The following PCDHA7 variants were observed in gnomAD, a reference collection of about 807,000 sequenced individuals.
PCDHA7 encodes the protein protocadherin alpha 7.
PCDHA7 carries 37 observed loss-of-function variants against 57.2 expected under a neutral mutation model. The observed-to-expected ratio is 0.65, with a 90% CI of 0.50 to 0.85. PCDHA7 has a LOEUF of 0.85. Ranked by LOEUF, PCDHA7 falls within the 40% of genes least tolerant of loss-of-function variation. PCDHA7 has a pLI of 0.00. For missense variants in PCDHA7, 1,188 were observed against 1,241.8 expected (o/e 0.96, Z 0.65); for synonymous variants, 553 against 558.8 (o/e 0.99, Z 0.15).
chr5:140,870,510 A>T, intron 1 of PCDHA7: 1 of 1,614,220 alleles, frequency 6.2e-7, no homozygotes, highest in Non-Finnish European at 8.5e-7. Context: ...ACAACCCACC[A>T]GGCTGCCACA....
In PCDHA7 at chr5:141,010,220, C is replaced by T. The variant is rs114341618; in HGVS notation, c.*283C>T. ...CTCCTCCGCCGCAAAGGAGAGGCTT[C>T]CCAGCCCCGCCAGTGAGAGGTTGGA... On this transcript the variant is annotated 3_prime_UTR_variant, in exon 4 of 4. Coordinates refer to ENST00000525929, the MANE Select transcript of PCDHA7 (RefSeq NM_018910.3). 2,711 of 1,551,728 alleles carry T rather than the reference C, an allele frequency of 1.7e-3. 46 individuals are homozygous for T. The African/African-American group carries it at 0.034, about 19-fold the overall frequency.
chr5:141,000,359 CTG>C (rs1554257257), intron 3 of PCDHA7, among the ~76,000 whole-genome samples: 2 of 78,146 alleles, frequency 2.6e-5, no homozygotes, highest in South Asian at 4.6e-4. Context: ...CTGTCTCTCT[CTG>C]TCTCTCTCTC....
chr5:140,982,623 C>T, intron 3 of PCDHA7, 60 bp downstream of exon 3: 1 of 1,583,652 alleles, frequency 6.3e-7, no homozygotes, highest in South Asian at 1.2e-5. Context: ...AGATGACCTA[C>T]TTTTGTAAGA....
At chr5:140,875,543 G>A in intron 1 of PCDHA7, 1 of 1,614,164 alleles carries the variant, frequency 6.2e-7, no homozygotes, top group Non-Finnish European at 8.5e-7. Flanking sequence ...CTTGCAGCCT[G>A]GGAGGTGGGG....
intron 1 of PCDHA7, chr5:140,969,131 A>G: frequency 6.2e-7 from 1 of 1,614,138 alleles, no homozygotes; most frequent in South Asian, 1.1e-5. Flanking sequence ...CTCCCTCACC[A>G]AGACCTACTG....
chr5:140,863,266 G>T, intron 1 of PCDHA7: 2 of 1,458,576 alleles, frequency 1.4e-6, no homozygotes, highest in Non-Finnish European at 1.9e-6. Context: ...CCGGGAGGCA[G>T]CGCTGGTGGA....
At chr5:140,983,642 G>A (rs954814692) in intron 3 of PCDHA7, among the ~76,000 whole-genome samples, 3 of 152,174 alleles carry the variant, frequency 2.0e-5, no homozygotes, top group African/African-American at 7.2e-5. Flanking sequence ...CCAAGTTCAC[G>A]TAGCTTGTAA....
intron 1 of PCDHA7, chr5:140,861,363 G>A: frequency 2.8e-6 from 1 of 354,256 alleles, no homozygotes; most frequent in Non-Finnish European, 5.8e-6. Flanking sequence ...TAGCGTCTTC[G>A]CGGTCCCTAT....
rs2040583064 is a variant in PCDHA7, at chr5:140,848,750, T to A, written c.2355+12012T>A. ...TAAATCTGCAGAATGGCATTTTGTT[T>A]GTGAATTCTCGGATCGACCGCGAGG... is the stretch of plus-strand genomic sequence containing the variant. On this transcript the variant is annotated intron_variant, in intron 1 of 3. Coordinates refer to ENST00000525929, the MANE Select transcript of PCDHA7 (RefSeq NM_018910.3). 5 of 1,593,288 alleles carry A rather than the reference T, an allele frequency of 3.1e-6. 1 individual carries two copies. The highest frequency in any genetic ancestry group is 4.3e-6 in the Non-Finnish European group (5 of 1,163,954).
chr5:140,903,857 T>C (rs2070669832), intron 1 of PCDHA7, among the ~76,000 whole-genome samples: 1 of 152,172 alleles, frequency 6.6e-6, no homozygotes, highest in South Asian at 2.1e-4. Context: ...TAACAAATAA[T>C]ATAGAGTAAA....
At chr5:140,884,230 CG>C in intron 1 of PCDHA7, 2 of 1,613,384 alleles carry the variant, frequency 1.2e-6, no homozygotes, top group Non-Finnish European at 1.7e-6. Flanking sequence ...TGAAGGACCA[CG>C]GTGAGCCCGC....
chr5:140,879,010 G>T (rs2057809352), intron 1 of PCDHA7, among the ~76,000 whole-genome samples: 1 of 152,200 alleles, frequency 6.6e-6, no homozygotes, highest in African/African-American at 2.4e-5. Context: ...CTAGAAATCA[G>T]ATAATGTTTT....
intron 1 of PCDHA7, among the ~76,000 whole-genome samples, chr5:140,972,633 T>G (rs1230723429): frequency 6.6e-6 from 1 of 151,644 alleles, no homozygotes; most frequent in Non-Finnish European, 1.5e-5. Context: ...TGGCACTCCC[T>G]TCAGAGTCTC....
intron 1 of PCDHA7, chr5:140,858,649 AT>A: frequency 1.2e-6 from 1 of 824,582 alleles, no homozygotes; most frequent in East Asian, 2.7e-5. Flanking sequence ...TGGTACTTAA[AT>A]TTTTTTAAAT....
intron 1 of PCDHA7, among the ~76,000 whole-genome samples, chr5:140,898,648 G>A (rs1436511217): frequency 6.6e-6 from 1 of 152,136 alleles, no homozygotes; most frequent in Non-Finnish European, 1.5e-5. Flanking sequence ...TGTTCTTTTG[G>A]CTTAGGATTG....
chr5:140,952,121 C>A (rs993598007), intron 1 of PCDHA7, among the ~76,000 whole-genome samples: 1 of 152,102 alleles, frequency 6.6e-6, no homozygotes, highest in Non-Finnish European at 1.5e-5. Context: ...GGGATGGGCT[C>A]CCAAGGCCTT....
chr5:141,005,664 T>G (rs1554260244), intron 3 of PCDHA7, among the ~76,000 whole-genome samples: 1 of 122,102 alleles, frequency 8.2e-6, no homozygotes. Flanking sequence ...ATCGCGCCAC[T>G]GCACTCCAGC....
chr5:140,843,487 G>A (rs2150361131), intron 1 of PCDHA7: 2 of 1,596,050 alleles, frequency 1.3e-6, no homozygotes, highest in Admixed American at 1.7e-5. Context: ...CTGCGCTGCG[G>A]TGCTCAGCAC....
intron 1 of PCDHA7, among the ~76,000 whole-genome samples, chr5:140,924,446 G>A (rs1554201951): frequency 6.6e-6 from 1 of 152,110 alleles, no homozygotes; most frequent in African/African-American, 2.4e-5. Context: ...ATAACGAATG[G>A]GTTTGTGTGT....
Sources: allele counts gnomAD v4.1 joint callset (sites outside exome capture counted in the v4.1 genomes callset), GRCh38; gene constraint gnomAD v4.1.1; transcripts MANE v1.5; gene names NCBI Gene and HGNC (gene_info 2026-07-23, HGNC 2026-07-21).